The following APBA1 variants were observed in gnomAD, a reference collection of about 807,000 sequenced individuals.
APBA1 encodes amyloid beta precursor protein binding family A member 1.
Under a neutral mutation model 86.6 loss-of-function variants are expected in APBA1, and 55 were observed. The observed-to-expected ratio is 0.64, with a 90% CI of 0.51 to 0.80. The LOEUF (loss-of-function observed/expected upper bound fraction) is 0.80, where lower values mean the gene tolerates loss of function less well. Ranked by LOEUF, APBA1 falls within the 30% of genes least tolerant of loss-of-function variation. The probability of loss-of-function intolerance (pLI) is 0.00; values close to 1 mark genes in which losing one functional copy is unlikely to be tolerated. For missense variants in APBA1, 1,090 were observed against 1,183.0 expected, an observed-to-expected ratio of 0.92 and a Z score of 1.15; for synonymous variants, 511 against 493.9, an observed-to-expected ratio of 1.03 and a Z score of -0.46.
At chr9:69,468,116 AT>A in intron 4 of APBA1, 148 bp from the exon 5 acceptor site, 1 of 901,832 alleles carries the variant, frequency 1.1e-6, no homozygotes, top group South Asian at 1.8e-5. Flanking sequence ...CTCTGTGTCT[AT>A]CTGCACCCAC....
In APBA1 at chr9:69,441,068, A is replaced by G; in HGVS notation, c.2229T>C (p.Pro743=). ...SRVKLNIVRC[P]PVTTVLIRRP... ...TTCTGATTAACACGGTGGTCACCGG[A>G]GGACATCTCACGATATTCAGCTTGA... Residue 743 remains proline (P), a synonymous_variant, in exon 11 of 13, where the codon CCT becomes CCC. Coordinates refer to ENST00000265381, the MANE Select transcript of APBA1 (RefSeq NM_001163.4). 6.2e-7 allele frequency: 1 copy of G among 1,614,140 alleles called. No individual in the cohort carries two copies. The highest frequency in any genetic ancestry group is 1.7e-5 in the Admixed American group (1 of 60,022).
intron 1 of APBA1, among the ~76,000 whole-genome samples, chr9:69,592,128 T>G (rs1271806376): frequency 6.6e-6 from 1 of 152,224 alleles, no homozygotes; most frequent in Non-Finnish European, 1.5e-5. Flanking sequence ...TAAAAGTGAT[T>G]TTTTCTACAG....
intron 5 of APBA1, among the ~76,000 whole-genome samples, chr9:69,460,049 G>A (rs1199329185): frequency 6.6e-6 from 1 of 152,172 alleles, no homozygotes; most frequent in African/African-American, 2.4e-5. Context: ...ATATTCCTGG[G>A]TACTCACCTG....
rs1440266215 is a variant in APBA1, at chr9:69,516,204, T to G, written c.1007A>C (p.Gln336Pro). ...ATCGCGCTTCTCCTTGCTGTACCGC[T>G]GCCCCGCCTCGCCGCCGCCCGCGGG... ...VGPAGGGEAGQRYSKEKRDAI... is the reference protein window; with the variant it reads ...VGPAGGGEAGPRYSKEKRDAI... The change falls in exon 2 of 13, where the codon CAG becomes CCG. Residue 336 changes from glutamine to proline, a missense_variant. This residue lies in a region of APBA1 where 678 missense variants were observed against 647.1 expected (regional missense o/e 1.05). Coordinates refer to ENST00000265381, the MANE Select transcript of APBA1 (RefSeq NM_001163.4). This position sits in a 1 kb window ranked among gnomAD's most constrained non-coding sequence, Gnocchi z 7.3. 20 of 1,528,336 alleles carry G rather than the reference T, an allele frequency of 1.3e-5. No homozygotes were observed. Among genetic ancestry groups the G allele is most frequent in the Non-Finnish European group, 1.7e-5 (19 of 1,136,576 alleles). 94.7% of individuals were successfully genotyped at this position (1,528,336 alleles called of 1,614,324 possible).
intron 1 of APBA1, among the ~76,000 whole-genome samples, chr9:69,579,962 T>C (rs1453705136): frequency 1.3e-5 from 2 of 152,196 alleles, no homozygotes; most frequent in African/African-American, 4.8e-5. Flanking sequence ...CGGTTATCTG[T>C]AGCCCCATAT....
chr9:69,542,201 C>T (rs1162542893), intron 1 of APBA1, among the ~76,000 whole-genome samples: 2 of 152,180 alleles, frequency 1.3e-5, no homozygotes. Context: ...ACTTGCCTCC[C>T]CCACCATTAA....
intron 1 of APBA1, among the ~76,000 whole-genome samples, chr9:69,563,679 T>A (rs140833722): frequency 1.3e-5 from 2 of 152,242 alleles, no homozygotes; most frequent in African/African-American, 4.8e-5. Flanking sequence ...TAGAGACTTG[T>A]CTATCCATCA....
chr9:69,456,057 T>A (rs1481585972), intron 8 of APBA1, among the ~76,000 whole-genome samples, 190 bp downstream of exon 8: 4 of 152,208 alleles, frequency 2.6e-5, no homozygotes, highest in African/African-American at 9.6e-5. Flanking sequence ...ATTTTCTGCC[T>A]CCTTTCAGCC....
chr9:69,550,911 A>C (rs1038970544), intron 1 of APBA1, among the ~76,000 whole-genome samples: 2 of 152,216 alleles, frequency 1.3e-5, no homozygotes, highest in African/African-American at 4.8e-5. Context: ...TGTACAGTCT[A>C]TCAATATGCA....
chr9:69,569,093 A>C (rs1419722113), intron 1 of APBA1, among the ~76,000 whole-genome samples: 2 of 152,186 alleles, frequency 1.3e-5, no homozygotes, highest in Non-Finnish European at 2.9e-5. Flanking sequence ...TTAGCTATGG[A>C]ACAGGCATCC....
At chr9:69,550,171 T>G (rs1254231582) in intron 1 of APBA1, among the ~76,000 whole-genome samples, 1 of 152,232 alleles carries the variant, frequency 6.6e-6, no homozygotes, top group Non-Finnish European at 1.5e-5. Flanking sequence ...TTTCATTTAT[T>G]TAGCTGTTTT....
chr9:69,618,992 C>G (rs1313171985), intron 1 of APBA1, among the ~76,000 whole-genome samples: 4 of 152,142 alleles, frequency 2.6e-5, no homozygotes, highest in Non-Finnish European at 5.9e-5. Context: ...ATGCAGTCTG[C>G]AGAGCAGCTA....
chr9:69,519,111 G>T (rs558227541), intron 1 of APBA1, among the ~76,000 whole-genome samples: 1 of 152,172 alleles, frequency 6.6e-6, no homozygotes, highest in African/African-American at 2.4e-5. Context: ...TGAGAACAGC[G>T]ACTGTGGACT....
intron 1 of APBA1, among the ~76,000 whole-genome samples, chr9:69,531,484 G>C (rs1836432998): frequency 1.3e-5 from 2 of 152,092 alleles, no homozygotes; most frequent in South Asian, 4.1e-4. Flanking sequence ...CCTTACCCCT[G>C]TCCTCTAATT....
chr9:69,658,314 CTTTCTT>C lies in APBA1; in HGVS notation c.-70+13833_-70+13838del, dbSNP rs1564105083. 2.3e-3 allele frequency among the ~76,000 whole-genome samples: 187 copies of C among 81,268 alleles called. 3 individuals carry two copies. The highest frequency in any genetic ancestry group is 7.7e-3 in the South Asian group (19 of 2,456). 53.3% of individuals were successfully genotyped at this position (81,268 alleles called of 152,430 possible). On this transcript the variant is annotated intron_variant, in intron 1 of 12. Coordinates refer to ENST00000265381, the MANE Select transcript of APBA1 (RefSeq NM_001163.4). The stretch of plus-strand genomic sequence containing the variant: ...TCTCTTTCTCTCTCTCTCTTTCTTT[CTTTCTT>C]TCTTTCTTTCTTTCTTTCTTTCTTT...
chr9:69,611,510 G>C (rs1822588716), intron 1 of APBA1, among the ~76,000 whole-genome samples: 1 of 152,054 alleles, frequency 6.6e-6, no homozygotes, highest in Non-Finnish European at 1.5e-5. Flanking sequence ...TGAAAAAAGG[G>C]GGTGGTGGGA....
chr9:69,497,895 A>C (rs1835824748), intron 2 of APBA1, among the ~76,000 whole-genome samples: 1 of 152,134 alleles, frequency 6.6e-6, no homozygotes. Flanking sequence ...GGAATGGTTG[A>C]CAAGGTCAGT....
At chr9:69,445,716 A>C (rs374623206) in intron 10 of APBA1, among the ~76,000 whole-genome samples, 1 of 152,330 alleles carries the variant, frequency 6.6e-6, no homozygotes, top group Non-Finnish European at 1.5e-5. Flanking sequence ...GACCCAAAAA[A>C]TAAGGTAGGA....
chr9:69,457,810 G>A (rs1461413874), intron 6 of APBA1, among the ~76,000 whole-genome samples: 1 of 152,106 alleles, frequency 6.6e-6, no homozygotes, highest in Non-Finnish European at 1.5e-5. Context: ...CCAGCAATCT[G>A]ACAAATCCAC....
Sources: allele counts gnomAD v4.1 joint callset (sites outside exome capture counted in the v4.1 genomes callset), GRCh38; gene constraint gnomAD v4.1.1; regional missense constraint gnomAD v4.1.1; non-coding constraint Gnocchi (gnomAD v3.1); transcripts MANE v1.5; gene names NCBI Gene and HGNC (gene_info 2026-07-23, HGNC 2026-07-21).